The following CCDC174 variants were observed in gnomAD, a reference collection of about 807,000 sequenced individuals.
CCDC174 encodes coiled-coil domain-containing protein 174.
Under a neutral mutation model 57.1 loss-of-function variants are expected in CCDC174, and 37 were observed. The observed-to-expected ratio is 0.65, with a 90% CI of 0.50 to 0.85. The LOEUF (loss-of-function observed/expected upper bound fraction) is 0.85. CCDC174 is among the 40% of genes least tolerant of loss of function. CCDC174 has a pLI of 0.00. For missense variants in CCDC174, 540 were observed against 574.3 expected, an observed-to-expected ratio of 0.94 and a Z score of 0.61; for synonymous variants, 182 against 190.2, an observed-to-expected ratio of 0.96 and a Z score of 0.35.
chr3:14,666,032 C>T lies in CCDC174; in HGVS notation c.582-773C>T, dbSNP rs552425364. Among the ~76,000 whole-genome samples, 99 of 90,176 alleles carry T rather than the reference C, an allele frequency of 1.1e-3. No homozygotes were observed. In the East Asian group the frequency reaches 0.022, roughly 20 times the overall value. 59.2% of individuals were successfully genotyped at this position (90,176 alleles called of 152,430 possible). A position where few individuals can be genotyped will look rare whatever the true frequency, so the allele number is the denominator to read the frequency against. ...CAGTCTGGGCTACAGAGCGAGACTC[C>T]GTCTCAAAAAAAAAAAAAAAAAAAA... On this transcript the variant is annotated intron_variant, in intron 6 of 10. Transcript: ENST00000383794.
chr3:14,656,526 C>T (rs932929951), intron 3 of CCDC174, among the ~76,000 whole-genome samples: 1 of 152,154 alleles, frequency 6.6e-6, no homozygotes, highest in South Asian at 2.1e-4. Context: ...TCAGGAGGCT[C>T]ATAAGGTCAG....
chr3:14,660,032 A>G (rs116022223), intron 4 of CCDC174, among the ~76,000 whole-genome samples: 2 of 152,310 alleles, frequency 1.3e-5, no homozygotes, highest in Non-Finnish European at 2.9e-5. Flanking sequence ...CTTTCCCTGT[A>G]TAGCAGGAGC....
At chr3:14,659,848 C>G (rs2031072148) in intron 4 of CCDC174, among the ~76,000 whole-genome samples, 1 of 152,162 alleles carries the variant, frequency 6.6e-6, no homozygotes. Context: ...TTAGCTTTGG[C>G]AAGCTGGAGA....
chr3:14,659,281 C>T (rs1228702979), intron 4 of CCDC174, among the ~76,000 whole-genome samples: 2 of 142,086 alleles, frequency 1.4e-5, no homozygotes, highest in East Asian at 4.5e-4. Context: ...TGTGCTAAAA[C>T]AGGGTGGGTT....
chr3:14,655,364 G>C (rs1030348172), intron 2 of CCDC174, among the ~76,000 whole-genome samples, 165 bp from the exon 3 acceptor site: 1 of 150,956 alleles, frequency 6.6e-6, no homozygotes, highest in African/African-American at 2.4e-5. Flanking sequence ...TTTAGCTCCT[G>C]CTTGCCATGT....
chr3:14,657,436 C>G lies in CCDC174; in HGVS notation c.249-1435C>G, dbSNP rs1006885640. ...GCACTTAGAGGTTGCAGGCAGTGTC[C>G]CTGCTCTCATGCTCTGAATCCCATC... On this transcript the variant is annotated intron_variant, in intron 3 of 10. Transcript: ENST00000383794. 8.9e-4 allele frequency among the ~76,000 whole-genome samples: 136 copies of G among 152,276 alleles called. 1 individual carries two copies. Among genetic ancestry groups the G allele is most frequent in the African/African-American group, 3.2e-3 (133 of 41,554 alleles).
chr3:14,667,471 G>A lies in CCDC174; in HGVS notation c.772G>A (p.Glu258Lys), dbSNP rs1399142099. 4 of 1,613,914 alleles carry A rather than the reference G, an allele frequency of 2.5e-6. No homozygotes were observed. The Admixed American group carries it at 6.7e-5, about 27-fold the overall frequency. Reference protein sequence around the residue: ...VGYFAFARDKELRNKQMKTLE... With the variant: ...VGYFAFARDKKLRNKQMKTLE... ...GTATTTTGCCTTTGCCCGAGACAAA[G>A]AGTTGAGAAACAAGCAGATGAAAAC... Residue 258 changes from glutamate to lysine, a missense_variant, in exon 8 of 11, where the codon GAG becomes AAG. Coordinates refer to ENST00000383794, the MANE Select transcript of CCDC174 (RefSeq NM_016474.5).
At chr3:14,659,706 A>C (rs1485828298) in intron 4 of CCDC174, among the ~76,000 whole-genome samples, 1 of 152,160 alleles carries the variant, frequency 6.6e-6, no homozygotes, top group Non-Finnish European at 1.5e-5. Flanking sequence ...TCTCTAAAAA[A>C]AAAACAAAAA....
Position 14,668,131 on chromosome 3 carries a change from A to G in CCDC174, c.902A>G (p.Gln301Arg). 1 of 1,610,670 alleles carries G rather than the reference A, an allele frequency of 6.2e-7. No individual in the cohort carries two copies. The highest frequency in any genetic ancestry group is 1.7e-4 in the Middle Eastern group (1 of 6,046). ...ILEARLAKLR[Q>R]KKMKKSKEGG... ...GAGGCAAGACTTGCCAAACTTCGACAAAAAAAGATGAAAAAATCAAAAGAA... is the reference window on the plus strand; with the variant it reads ...GAGGCAAGACTTGCCAAACTTCGACGAAAAAAGATGAAAAAATCAAAAGAA... The change falls in exon 9 of 11, where the codon CAA becomes CGA. Residue 301 changes from glutamine (Q) to arginine (R), a missense_variant. Gln to Arg is a conservative substitution (Grantham distance 43, BLOSUM62 1). Transcript: ENST00000383794.
At chr3:14,652,322 C>A (rs1200971065) in intron 1 of CCDC174, among the ~76,000 whole-genome samples, 1 of 152,182 alleles carries the variant, frequency 6.6e-6, no homozygotes, top group Non-Finnish European at 1.5e-5. Context: ...TGACATATTT[C>A]GCAGGACCCG....
chr3:14,666,442 G>A (rs1222921330), intron 6 of CCDC174, among the ~76,000 whole-genome samples: 1 of 152,068 alleles, frequency 6.6e-6, no homozygotes, highest in Non-Finnish European at 1.5e-5. Context: ...AGCCAACATG[G>A]TGAAACCCTG....
chr3:14,653,626 G>A (rs1330264856), intron 1 of CCDC174, among the ~76,000 whole-genome samples: 1 of 152,116 alleles, frequency 6.6e-6, no homozygotes, highest in Non-Finnish European at 1.5e-5. Context: ...AGTAGGCAGG[G>A]GTAATTAATG....
Position 14,658,929 on chromosome 3 carries a change from G to A in CCDC174, c.307G>A (p.Asp103Asn), listed in dbSNP as rs143535330. 4.4e-4 allele frequency: 662 copies of A among 1,509,208 alleles called. No homozygotes were observed. In the African/African-American group the frequency reaches 6.5e-3, roughly 15 times the overall value. 93.5% of individuals were successfully genotyped at this position (1,509,208 alleles called of 1,614,324 possible). A position where few individuals can be genotyped will look rare whatever the true frequency, so the allele number is the denominator to read the frequency against. Residue 103 changes from aspartate to asparagine, a missense_variant and splice_region_variant, in exon 4 of 11, where the codon GAT becomes AAT. Asp to Asn is a conservative substitution (Grantham distance 23, BLOSUM62 1). Coordinates refer to ENST00000383794, the MANE Select transcript of CCDC174 (RefSeq NM_016474.5). ...YEKMTKGDFI[D>N]EEVEDMYLVD... Reference sequence around the variant, plus strand: ...AAAAATGACTAAAGGAGACTTTATAGGTAAATAAAATTTGTTATTTCTACT... The same window carrying A: ...AAAAATGACTAAAGGAGACTTTATAAGTAAATAAAATTTGTTATTTCTACT...
In CCDC174 at chr3:14,671,015, C is replaced by A. The variant is rs1332642336; in HGVS notation, c.1225C>A (p.Gln409Lys). The A allele has an allele frequency of 1.2e-6, 2 of 1,614,148 alleles. No individual in the cohort carries two copies. The highest frequency in any genetic ancestry group is 8.5e-7 in the Non-Finnish European group (1 of 1,180,010). ...GAAGAGAACTGGTTTTTCCAGCAGC[C>A]AGGCATGGAGCAGACCTGGGCCAGC... is the stretch of plus-strand genomic sequence containing the variant. ...GQKRTGFSSS[Q>K]AWSRPGPAQS... The change falls in exon 11 of 11, where the codon CAG (glutamine) becomes AAG (lysine). Residue 409 changes from glutamine to lysine, a missense_variant. Coordinates refer to ENST00000383794, the MANE Select transcript of CCDC174 (RefSeq NM_016474.5).
At chr3:14,659,676 G>A (rs1295288951) in intron 4 of CCDC174, among the ~76,000 whole-genome samples, 1 of 151,842 alleles carries the variant, frequency 6.6e-6, no homozygotes, top group Non-Finnish European at 1.5e-5. Context: ...ATCCAGCCTG[G>A]GTGACAGAGT....
intron 7 of CCDC174, 43 bp from the exon 8 acceptor site, chr3:14,667,381 A>G (rs767778584): frequency 6.8e-7 from 1 of 1,460,450 alleles, no homozygotes; most frequent in Admixed American, 1.7e-5. Flanking sequence ...TAGTTGAATG[A>G]TCAGGACAGT....
At chr3:14,666,037 CAAAAAAAAAA>C (rs71038422) in intron 6 of CCDC174, among the ~76,000 whole-genome samples, 1 of 84,800 alleles carries the variant, frequency 1.2e-5, no homozygotes, top group Non-Finnish European at 2.4e-5. Context: ...GACTCCGTCT[CAAAAAAAAAA>C]AAAAAAAAAA....
intron 4 of CCDC174, among the ~76,000 whole-genome samples, chr3:14,659,260 A>G (rs2031052856): frequency 6.6e-6 from 1 of 151,290 alleles, no homozygotes. Context: ...GCAATTACCT[A>G]CAATTACAGC....
rs2031532841 is a variant in CCDC174 at position 14,671,988 on chromosome 3, TGG to T, written c.*797_*798del. The stretch of plus-strand genomic sequence containing the variant: ...TCAGGAGCCTGACTTGGATCAGACT[TGG>T]GGCTGCACAGTGGAGCAGGTGGGTT... On this transcript the variant is annotated 3_prime_UTR_variant, in exon 11 of 11. Coordinates refer to ENST00000383794, the MANE Select transcript of CCDC174 (RefSeq NM_016474.5). 1.3e-5 allele frequency: 2 copies of T among 152,088 alleles called. No homozygotes were observed. The highest frequency in any genetic ancestry group is 1.3e-4 in the Admixed American group (2 of 15,254). 9.4% of individuals were successfully genotyped at this position (152,088 alleles called of 1,614,324 possible).
Sources: allele counts gnomAD v4.1 joint callset (sites outside exome capture counted in the v4.1 genomes callset), GRCh38; gene constraint gnomAD v4.1.1; transcripts MANE v1.5; gene names NCBI Gene and HGNC (gene_info 2026-07-23, HGNC 2026-07-21).